PSMD1: variants seen among roughly 807,000 people sequenced by gnomAD.
The protein encoded by PSMD1 is 26S proteasome non-ATPase regulatory subunit 1.
In PSMD1, 18 loss-of-function variants were observed where a neutral mutation model predicts 119.0. The observed-to-expected ratio is 0.15, with a 90% CI of 0.10 to 0.22. The LOEUF is 0.22. Among genes scored for constraint, PSMD1 ranks in the 10% least tolerant of loss-of-function variants. The pLI, the probability that PSMD1 is intolerant of heterozygous loss-of-function variation, is 1.00. For missense variants in PSMD1, 702 were observed against 1,158.5 expected (o/e 0.61, Z 5.72); for synonymous variants, 374 against 396.6 (o/e 0.94, Z 0.68).
intron 18 of PSMD1, among the ~76,000 whole-genome samples, chr2:231,151,974 A>G (rs1044729918): frequency 1.3e-5 from 2 of 151,768 alleles, no homozygotes; most frequent in Non-Finnish European, 2.9e-5. Flanking sequence ...CACCATGCCC[A>G]GCTCATTTTT....
At chr2:231,137,841 C>G (rs1402333337) in intron 16 of PSMD1, among the ~76,000 whole-genome samples, 1 of 152,190 alleles carries the variant, frequency 6.6e-6, no homozygotes, top group Non-Finnish European at 1.5e-5. Context: ...CCTCCATCTG[C>G]ATCCATGTTG....
At chr2:231,145,992 T>C (rs1363912576) in intron 17 of PSMD1, among the ~76,000 whole-genome samples, 2 of 152,092 alleles carry the variant, frequency 1.3e-5, no homozygotes, top group South Asian at 2.1e-4. Flanking sequence ...AAATGATTTA[T>C]TTATATTTTT....
At position 231,087,144 on chromosome 2, in the gene PSMD1, A is replaced by G; in HGVS notation, c.1846A>G (p.Arg616Gly). 6.2e-7 allele frequency: 1 copy of G among 1,613,682 alleles called. No individual in the cohort carries two copies. Among genetic ancestry groups the G allele is most frequent in the South Asian group, 1.1e-5 (1 of 91,058 alleles). Residue 616 changes from arginine (R) to glycine (G), a missense_variant, in exon 16 of 25, where the codon AGG becomes GGG. This residue lies in a region of PSMD1 where 272 missense variants were observed against 511.6 expected (regional missense o/e 0.53). Coordinates refer to ENST00000308696, the MANE Select transcript of PSMD1 (RefSeq NM_002807.4). ...AAGTGATGTTAATGATGATGTCAGG[A>G]GGGCAGCAGTAGAATCACTTGGGTT... ...AVSDVNDDVR[R>G]AAVESLGFIL... is the part of the protein sequence containing the mutation.
Position 231,070,107 on chromosome 2 carries a change from T to C in PSMD1, c.593T>C (p.Leu198Pro). The change falls in exon 6 of 25, where the codon CTA (leucine) becomes CCA (proline). Residue 198 changes from leucine (L) to proline (P), a missense_variant. By Grantham distance (98) the Leu-to-Pro change is moderately conservative (BLOSUM62 -3). Around this residue, in one of 9 missense-constraint regions of PSMD1, gnomAD observed 58 missense variants for 54.0 expected, o/e 1.07. Coordinates refer to ENST00000308696, the MANE Select transcript of PSMD1 (RefSeq NM_002807.4). ...AATAAACAGTTTCGGAATAAAGTAC[T>C]AAGAGTTCTAGTTAAAATCTACATG... The part of the protein sequence containing the change: ...MQNKQFRNKV[L>P]RVLVKIYMNL... The C allele has an allele frequency of 2.5e-6, 4 of 1,578,954 alleles. No individual in the cohort carries two copies. The highest frequency in any genetic ancestry group is 2.6e-6 in the Non-Finnish European group (3 of 1,166,928).
rs181860708 is a variant in PSMD1, at chr2:231,138,675, T to C, written c.1884-61T>C. ...TTCAAAAACAACTTGGTTAAAACTC[T>C]TCTGTCTTAACTTAAAATAGATTAC... is the stretch of plus-strand genomic sequence containing the variant. On this transcript the variant is annotated intron_variant, in intron 16 of 24. Transcript: ENST00000308696. The C allele has an allele frequency of 6.9e-4, 881 of 1,271,250 alleles. 6 individuals are homozygous for C. The African/African-American group carries it at 0.012, about 17-fold the overall frequency. The allele number at this position is 1,271,250 out of a possible 1,614,324, so 78.7% of individuals were successfully genotyped here.
At chr2:231,057,881 G>A (rs777774983) in intron 1 of PSMD1, among the ~76,000 whole-genome samples, 84 of 152,260 alleles carry the variant, frequency 5.5e-4, no homozygotes, top group African/African-American at 1.9e-3. Flanking sequence ...GCTTTTTTCC[G>A]TTGCCTATTT....
intron 10 of PSMD1, 44 bp downstream of exon 10, chr2:231,078,791 C>CTTTTTTTTTTTTTTTTT (rs748353083): frequency 9.6e-5 from 33 of 342,872 alleles, no homozygotes; most frequent in Admixed American, 3.6e-4. Context: ...AAATCTTTTT[C>CTTTTTTTTTTTTTTTTT]TTTTTTTTTT....
Position 231,078,649 on chromosome 2 carries a change from G to T in PSMD1, c.1072-10G>T. The stretch of plus-strand genomic sequence containing the variant: ...CCAGTGATGAAACAATTCTGTATTT[G>T]TTGTTGCAGGATGCAGTACGGAATT... On this transcript the variant is annotated splice_polypyrimidine_tract_variant and intron_variant, in intron 9 of 24. Coordinates refer to ENST00000308696, the MANE Select transcript of PSMD1 (RefSeq NM_002807.4). 2.5e-6 allele frequency: 4 copies of T among 1,593,684 alleles called. No individual in the cohort carries two copies. Among genetic ancestry groups the T allele is most frequent in the Non-Finnish European group, 3.4e-6 (4 of 1,172,014 alleles).
At chr2:231,152,049 G>A (rs1033446707) in intron 18 of PSMD1, among the ~76,000 whole-genome samples, 3 of 152,094 alleles carry the variant, frequency 2.0e-5, no homozygotes, top group South Asian at 4.2e-4. Context: ...CCTGACCTCA[G>A]GTGATTCACC....
intron 16 of PSMD1, among the ~76,000 whole-genome samples, chr2:231,109,618 G>C (rs1469496519): frequency 6.6e-6 from 1 of 152,168 alleles, no homozygotes; most frequent in African/African-American, 2.4e-5. Context: ...ACGGAGATTG[G>C]TTAGTAATTT....
rs774820075 is a variant in PSMD1, at chr2:231,083,678, G to A, written c.1637G>A (p.Arg546His). ...GAAACTCAACATGAGAAGATTCTGC[G>A]TGGTCTTGCAGTTGGCATAGCTTTA... ...AQETQHEKIL[R>H]GLAVGIALVM... The change falls in exon 14 of 25, where the codon CGT becomes CAT. Residue 546 changes from arginine (R) to histidine (H), a missense_variant. Arg to His is a conservative substitution (Grantham distance 29, BLOSUM62 0). This residue lies in a region of PSMD1 where 272 missense variants were observed against 511.6 expected (regional missense o/e 0.53). Coordinates refer to ENST00000308696, the MANE Select transcript of PSMD1 (RefSeq NM_002807.4). 6.2e-6 allele frequency: 10 copies of A among 1,614,062 alleles called. No homozygotes were observed. The highest frequency in any genetic ancestry group is 2.7e-5 in the African/African-American group (2 of 74,920).
intron 16 of PSMD1, chr2:231,109,186 T>C: frequency 6.2e-7 from 1 of 1,614,238 alleles, no homozygotes. Context: ...TCAACCATGT[T>C]AGGCGTTGAG....
intron 16 of PSMD1, among the ~76,000 whole-genome samples, chr2:231,111,412 A>G (rs1034345927): frequency 2.0e-5 from 3 of 152,144 alleles, no homozygotes; most frequent in African/African-American, 7.2e-5. Flanking sequence ...CAGTTTTTAC[A>G]TTCTGTTAAT....
At chr2:231,131,922 T>G (rs1234745695) in intron 16 of PSMD1, among the ~76,000 whole-genome samples, 1 of 152,224 alleles carries the variant, frequency 6.6e-6, no homozygotes, top group Non-Finnish European at 1.5e-5. Context: ...ATTTCTTGTC[T>G]TAACACTTGT....
chr2:231,069,354 C>T (rs762451516), intron 5 of PSMD1, among the ~76,000 whole-genome samples: 29 of 152,056 alleles, frequency 1.9e-4, no homozygotes, highest in Non-Finnish European at 2.5e-4. Context: ...TTGCTAGTCA[C>T]ACTTCATTAA....
intron 24 of PSMD1, 109 bp from the exon 25 acceptor site, chr2:231,172,426 G>A (rs1696933900): frequency 6.6e-6 from 1 of 152,208 alleles, no homozygotes; most frequent in South Asian, 2.1e-4. Flanking sequence ...CAGAGGCAGG[G>A]TTGGGGCCTA....
intron 4 of PSMD1, among the ~76,000 whole-genome samples, chr2:231,065,459 A>ATTTTTT (rs58929120): frequency 7.1e-6 from 1 of 140,984 alleles, no homozygotes. Flanking sequence ...CACCCGGCTA[A>ATTTTTT]TTTTTTTTTT....
rs781645714 is a variant in PSMD1 at position 231,083,781 on chromosome 2, C to T, written c.1722+18C>T. On this transcript the variant is annotated intron_variant, in intron 14 of 24. Coordinates refer to ENST00000308696, the MANE Select transcript of PSMD1 (RefSeq NM_002807.4). ...GTGACAAGGTGAGATCACATACGTCCCTCACTGTCCATTTATCTCCAGCAT... is the reference window on the plus strand; with the variant it reads ...GTGACAAGGTGAGATCACATACGTCTCTCACTGTCCATTTATCTCCAGCAT... The T allele has an allele frequency of 6.2e-7, 1 of 1,611,604 alleles. No homozygotes were observed. The highest frequency in any genetic ancestry group is 8.5e-7 in the Non-Finnish European group (1 of 1,178,082).
intron 16 of PSMD1, among the ~76,000 whole-genome samples, chr2:231,134,027 A>G (rs1444457398): frequency 6.6e-6 from 1 of 152,176 alleles, no homozygotes; most frequent in Non-Finnish European, 1.5e-5. Flanking sequence ...TAGTTAGCTT[A>G]TTTTGGTGTG....
Sources: gnomAD v4.1 joint callset for allele counts (sites outside exome capture counted in the v4.1 genomes callset) on GRCh38, gnomAD v4.1.1 for gene constraint, gnomAD v4.1.1 regional missense constraint, MANE v1.5 for transcripts, NCBI Gene and HGNC (gene_info 2026-07-23, HGNC 2026-07-21) for gene names.